Variants in ANTXR1 observed in about 807,000 individuals in gnomAD.
The protein encoded by ANTXR1 is anthrax toxin receptor 1.
ANTXR1 carries 19 observed loss-of-function variants against 78.1 expected under a neutral mutation model. That is an observed-to-expected ratio of 0.24 (90% confidence interval 0.17 to 0.36). The LOEUF (loss-of-function observed/expected upper bound fraction) is 0.36, where lower values mean the gene tolerates loss of function less well. ANTXR1 is among the 10% of genes least tolerant of loss of function. The pLI is 1.00. For synonymous variants in ANTXR1, 273 were observed against 260.5 expected (o/e 1.05, Z -0.46); for missense variants, 518 against 718.6 (o/e 0.72, Z 3.19).
chr2:69,207,142 TGTCC>T (rs1195816126), intron 17 of ANTXR1, among the ~76,000 whole-genome samples: 1 of 151,944 alleles, frequency 6.6e-6, no homozygotes, highest in African/African-American at 2.4e-5. Context: ...ACCCAATTTC[TGTCC>T]AAAAAAAAAG....
At chr2:69,123,971 T>G (rs578083041) in intron 11 of ANTXR1, among the ~76,000 whole-genome samples, 1 of 152,362 alleles carries the variant, frequency 6.6e-6, no homozygotes, top group East Asian at 1.9e-4. Flanking sequence ...AGCATCAATC[T>G]GTGATGCCAC....
In ANTXR1 at chr2:69,196,966, G is replaced by A. The variant is rs192107563; in HGVS notation, c.1434+3551G>A. 1.9e-3 allele frequency among the ~76,000 whole-genome samples: 292 copies of A among 152,278 alleles called. 2 individuals are homozygous for A. The highest frequency in any genetic ancestry group is 3.3e-3 in the Non-Finnish European group (226 of 68,030). The stretch of plus-strand genomic sequence containing the variant: ...GGCCTCCAGCTCAGCACAGAGCAGG[G>A]GCTCAGGGAGCCAGAGCCTAGAGCC... On this transcript the variant is annotated intron_variant, in intron 17 of 17. Transcript: ENST00000303714.
intron 13 of ANTXR1, among the ~76,000 whole-genome samples, chr2:69,154,737 CGTG>C (rs971784646): frequency 5.9e-5 from 9 of 152,218 alleles, no homozygotes; most frequent in African/African-American, 1.9e-4. Flanking sequence ...ACCTAAAAAA[CGTG>C]GGGTACGTGT....
intron 3 of ANTXR1, among the ~76,000 whole-genome samples, chr2:69,069,746 A>C (rs544494628): frequency 6.6e-6 from 1 of 152,346 alleles, no homozygotes; most frequent in South Asian, 2.1e-4. Context: ...CCTTGTATAT[A>C]GCGGATGCTC....
intron 10 of ANTXR1, among the ~76,000 whole-genome samples, chr2:69,107,531 C>T (rs1671849917): frequency 6.6e-6 from 1 of 152,052 alleles, no homozygotes; most frequent in Non-Finnish European, 1.5e-5. Flanking sequence ...TGGGCCGCCA[C>T]ACCCAGCCAA....
At chr2:69,146,915 C>G (rs1673245489) in intron 12 of ANTXR1, among the ~76,000 whole-genome samples, 1 of 152,250 alleles carries the variant, frequency 6.6e-6, no homozygotes, top group Non-Finnish European at 1.5e-5. Context: ...CAAGCTCACA[C>G]ACCAGTCCCG....
At chr2:69,035,471 G>C (rs981802042) in intron 1 of ANTXR1, among the ~76,000 whole-genome samples, 1 of 151,898 alleles carries the variant, frequency 6.6e-6, no homozygotes, top group East Asian at 1.9e-4. Flanking sequence ...GGTGCAGATC[G>C]AGATACCCCT....
chr2:69,087,336 G>A (rs1215332093), intron 8 of ANTXR1, among the ~76,000 whole-genome samples: 1 of 152,156 alleles, frequency 6.6e-6, no homozygotes, highest in African/African-American at 2.4e-5. Context: ...CGTACTTCAG[G>A]TAGATACTAT....
chr2:69,015,507 T>TA (rs11455102), intron 1 of ANTXR1, among the ~76,000 whole-genome samples: 13,967 of 150,802 alleles, frequency 0.093, 2,144 homozygotes, highest in African/African-American at 0.32. Flanking sequence ...TTCATTAATT[T>TA]AAAAAAAAAT....
chr2:69,182,668 T>G lies in ANTXR1; in HGVS notation c.1353+8T>G. On this transcript the variant is annotated splice_region_variant and intron_variant, in intron 16 of 17. Transcript: ENST00000303714. ...TGGTACTCTCCAATCAAGGTGTGTC[T>G]CTTTACTCAAAAAATCTATCATCAG... The G allele has an allele frequency of 6.2e-7, 1 of 1,614,146 alleles. No homozygotes were observed. The highest frequency in any genetic ancestry group is 8.5e-7 in the Non-Finnish European group (1 of 1,180,034).
intron 1 of ANTXR1, among the ~76,000 whole-genome samples, chr2:69,023,767 A>G (rs1326775073): frequency 6.6e-6 from 1 of 152,176 alleles, no homozygotes. Context: ...ACAGTGAAAT[A>G]ATTTAATTTT....
chr2:69,238,471 T>C (rs1199000845), intron 17 of ANTXR1, among the ~76,000 whole-genome samples: 1 of 152,212 alleles, frequency 6.6e-6, no homozygotes, highest in East Asian at 1.9e-4. Flanking sequence ...GGCTAACTAT[T>C]AAGTCATCCA....
At chr2:69,227,828 A>G (rs1558659871) in intron 17 of ANTXR1, among the ~76,000 whole-genome samples, 4 of 152,318 alleles carry the variant, frequency 2.6e-5, no homozygotes, top group South Asian at 2.1e-4. Flanking sequence ...CATAGATTAC[A>G]TGGCCACACC....
chr2:69,155,706 G>T (rs1479309130), intron 13 of ANTXR1, among the ~76,000 whole-genome samples: 1 of 152,188 alleles, frequency 6.6e-6, no homozygotes, highest in Non-Finnish European at 1.5e-5. Flanking sequence ...GCACTAAAAA[G>T]TTGTAGAAAA....
At chr2:69,185,408 T>C (rs1674393240) in intron 16 of ANTXR1, among the ~76,000 whole-genome samples, 1 of 152,122 alleles carries the variant, frequency 6.6e-6, no homozygotes, top group Admixed American at 6.5e-5. Context: ...GGCGTGGTTG[T>C]GGGTGCCTGT....
intron 12 of ANTXR1, among the ~76,000 whole-genome samples, chr2:69,133,917 C>T (rs1484193594): frequency 6.6e-6 from 1 of 152,154 alleles, no homozygotes; most frequent in Non-Finnish European, 1.5e-5. Flanking sequence ...GGTTCTGCTG[C>T]TTACAGGGTG....
rs1477192207 is a variant in ANTXR1, at chr2:69,244,592, C to G, written c.1435-633C>G. Among the ~76,000 whole-genome samples, 5 of 152,330 alleles carry G rather than the reference C, an allele frequency of 3.3e-5. No homozygotes were observed. In the East Asian group the frequency reaches 9.6e-4, roughly 29 times the overall value. ...TGAGGGGGCACAGACGAGGTAAATG[C>G]ATCAGGGCCTCCATGACAACTCCAA... On this transcript the variant is annotated intron_variant, in intron 17 of 17. Transcript: ENST00000303714.
intron 16 of ANTXR1, among the ~76,000 whole-genome samples, chr2:69,191,641 T>C (rs1229543126): frequency 1.3e-5 from 2 of 152,178 alleles, no homozygotes; most frequent in Non-Finnish European, 2.9e-5. Context: ...CTATTTTCTC[T>C]TCTATTCTAT....
At chr2:69,148,205 T>C (rs1673283468) in intron 12 of ANTXR1, among the ~76,000 whole-genome samples, 1 of 128,486 alleles carries the variant, frequency 7.8e-6, no homozygotes. Context: ...CAGCCTGGCT[T>C]GTGTGTCCTC....
Sources: allele counts gnomAD v4.1 joint callset (sites outside exome capture counted in the v4.1 genomes callset), GRCh38; gene constraint gnomAD v4.1.1; transcripts MANE v1.5; gene names NCBI Gene and HGNC (gene_info 2026-07-23, HGNC 2026-07-21).